The following GABBR2 variants were observed in gnomAD, a reference collection of about 807,000 sequenced individuals.
The protein encoded by GABBR2 is gamma-aminobutyric acid type B receptor subunit 2.
GABBR2 carries 23 observed loss-of-function variants against 105.6 expected under a neutral mutation model. The observed-to-expected ratio is 0.22, with a 90% CI of 0.16 to 0.31. The LOEUF (loss-of-function observed/expected upper bound fraction) is 0.31, where lower values mean the gene tolerates loss of function less well. Ranked by LOEUF, GABBR2 falls within the 10% of genes least tolerant of loss-of-function variation. The probability of loss-of-function intolerance (pLI) is 1.00; values close to 1 mark genes in which losing one functional copy is unlikely to be tolerated. For missense variants in GABBR2, 734 were observed against 1,245.5 expected, an observed-to-expected ratio of 0.59 and a Z score of 6.18; for synonymous variants, 478 against 499.7, an observed-to-expected ratio of 0.96 and a Z score of 0.58.
At chr9:98,459,437 C>T (rs1240829063) in intron 6 of GABBR2, among the ~76,000 whole-genome samples, 1 of 152,134 alleles carries the variant, frequency 6.6e-6, no homozygotes, top group African/African-American at 2.4e-5. Context: ...AGGCTAGTCA[C>T]AGAAACAGAA....
chr9:98,384,076 CT>C (rs111929304), intron 11 of GABBR2, among the ~76,000 whole-genome samples: 10,218 of 152,204 alleles, frequency 0.067, 435 homozygotes, highest in Non-Finnish European at 0.092. Context: ...AAAGGAGTGG[CT>C]TTTGGATGAA....
At chr9:98,651,286 G>A (rs1830101245) in intron 1 of GABBR2, among the ~76,000 whole-genome samples, 1 of 151,644 alleles carries the variant, frequency 6.6e-6, no homozygotes, top group Non-Finnish European at 1.5e-5. Context: ...TGGGATTACA[G>A]GCATGCACCA....
intron 1 of GABBR2, among the ~76,000 whole-genome samples, chr9:98,610,252 A>G (rs1829486709): frequency 6.6e-6 from 1 of 152,190 alleles, no homozygotes; most frequent in Non-Finnish European, 1.5e-5. Context: ...TTTCCTGCCT[A>G]TAAAGAGAGG....
chr9:98,454,271 G>T lies in GABBR2; in HGVS notation c.1000-54C>A. ...CAAGTTATACTCGGCAGGGACATCAGGTGCCTGATGCCGAGAAGAGCTGCT... is the reference window on the plus strand; with the variant it reads ...CAAGTTATACTCGGCAGGGACATCATGTGCCTGATGCCGAGAAGAGCTGCT... On this transcript the variant is annotated intron_variant, in intron 6 of 18. Transcript: ENST00000259455. The surrounding 1 kb of genome is among the most constrained non-coding windows in gnomAD (Gnocchi z 4.6). 2 of 1,222,968 alleles carry T rather than the reference G, an allele frequency of 1.6e-6. No homozygotes were observed. Among genetic ancestry groups the T allele is most frequent in the Non-Finnish European group, 2.4e-6 (2 of 823,820 alleles). The allele number at this position is 1,222,968 out of a possible 1,614,324, so 75.8% of individuals were successfully genotyped here.
intron 13 of GABBR2, among the ~76,000 whole-genome samples, chr9:98,338,637 G>A (rs140612222): frequency 4.4e-4 from 67 of 152,322 alleles, no homozygotes; most frequent in Non-Finnish European, 8.1e-4. Flanking sequence ...ACAAGGATTG[G>A]CAGCAATGTG....
At chr9:98,700,516 T>TC (rs1408170782) in intron 1 of GABBR2, among the ~76,000 whole-genome samples, 2 of 152,084 alleles carry the variant, frequency 1.3e-5, no homozygotes, top group Admixed American at 1.3e-4. Flanking sequence ...TCTCCTTCCT[T>TC]CCCCGTCTCC....
At chr9:98,337,172 G>A (rs1831130746) in intron 13 of GABBR2, among the ~76,000 whole-genome samples, 1 of 152,110 alleles carries the variant, frequency 6.6e-6, no homozygotes, top group Non-Finnish European at 1.5e-5. Context: ...AGGCATGGTG[G>A]TGGGTGCCTG....
chr9:98,472,627 A>AT (rs1053473493), intron 6 of GABBR2, among the ~76,000 whole-genome samples: 2 of 152,234 alleles, frequency 1.3e-5, no homozygotes, highest in African/African-American at 2.4e-5. Flanking sequence ...GGCCCCTAAA[A>AT]ATATATATCC....
chr9:98,594,617 C>T (rs541438145), intron 1 of GABBR2, among the ~76,000 whole-genome samples: 4 of 152,298 alleles, frequency 2.6e-5, no homozygotes, highest in South Asian at 2.1e-4. Flanking sequence ...TCTGGGGAAG[C>T]CCCTCGGCAG....
At chr9:98,496,349 G>C in intron 4 of GABBR2, 64 bp downstream of exon 4, 1 of 1,014,138 alleles carries the variant, frequency 9.9e-7, no homozygotes, top group South Asian at 1.3e-5. Context: ...TCATAGTCAG[G>C]TAATTTGGGC....
At chr9:98,563,992 A>G (rs1001057092) in intron 2 of GABBR2, among the ~76,000 whole-genome samples, 3 of 152,132 alleles carry the variant, frequency 2.0e-5, no homozygotes, top group Non-Finnish European at 2.9e-5. Flanking sequence ...ACCAACAACC[A>G]GTCGATCTAT....
chr9:98,684,338 T>C (rs1830594564), intron 1 of GABBR2, among the ~76,000 whole-genome samples: 1 of 152,144 alleles, frequency 6.6e-6, no homozygotes, highest in Non-Finnish European at 1.5e-5. Context: ...CCTCTCTTTA[T>C]TTGCATTTTC....
chr9:98,324,541 C>G (rs1001286654), intron 13 of GABBR2, among the ~76,000 whole-genome samples: 137 of 140,828 alleles, frequency 9.7e-4, no homozygotes, highest in Middle Eastern at 3.8e-3. Context: ...CACACACACA[C>G]AGAGTAGTGC....
At chr9:98,336,899 G>T (rs1831125606) in intron 13 of GABBR2, among the ~76,000 whole-genome samples, 1 of 152,126 alleles carries the variant, frequency 6.6e-6, no homozygotes, top group Non-Finnish European at 1.5e-5. Context: ...GTCTATCCGA[G>T]AATTTTTTGG....
chr9:98,311,682 T>C (rs1468452157), intron 13 of GABBR2, among the ~76,000 whole-genome samples: 1 of 152,220 alleles, frequency 6.6e-6, no homozygotes, highest in Non-Finnish European at 1.5e-5. Flanking sequence ...GAGGAGACCC[T>C]CTTGCCCACA....
At chr9:98,658,634 A>G (rs1830215294) in intron 1 of GABBR2, among the ~76,000 whole-genome samples, 1 of 152,196 alleles carries the variant, frequency 6.6e-6, no homozygotes. Flanking sequence ...GGGTTCTTCC[A>G]AGGAACCACT....
At chr9:98,589,393 C>T (rs1829117037) in intron 1 of GABBR2, among the ~76,000 whole-genome samples, 2 of 152,198 alleles carry the variant, frequency 1.3e-5, no homozygotes, top group African/African-American at 4.8e-5. Context: ...TTGACAATGA[C>T]ATAAGCAAGA....
chr9:98,668,983 T>C (rs556377592), intron 1 of GABBR2, among the ~76,000 whole-genome samples: 2 of 152,118 alleles, frequency 1.3e-5, no homozygotes, highest in East Asian at 1.9e-4. Context: ...CTTTCAGCTA[T>C]TGTGAATAAT....
intron 7 of GABBR2, among the ~76,000 whole-genome samples, chr9:98,425,892 C>T (rs541655723): frequency 6.6e-6 from 1 of 152,250 alleles, no homozygotes; most frequent in South Asian, 2.1e-4. Context: ...AGGGCAGGTC[C>T]GGGAAGGCTT....
Sources: gnomAD v4.1 joint callset for allele counts (sites outside exome capture counted in the v4.1 genomes callset) on GRCh38, gnomAD v4.1.1 for gene constraint, Gnocchi (gnomAD v3.1) non-coding constraint, MANE v1.5 for transcripts, NCBI Gene and HGNC (gene_info 2026-07-23, HGNC 2026-07-21) for gene names.